Variants in TNC observed in about 807,000 individuals in gnomAD.
TNC encodes tenascin.
A neutral mutation model predicts 202.4 loss-of-function variants in TNC; 109 were observed. The observed-to-expected ratio is 0.54, with a 90% CI of 0.46 to 0.63. The LOEUF (loss-of-function observed/expected upper bound fraction) is 0.63. Ranked by LOEUF, TNC falls within the 30% of genes least tolerant of loss-of-function variation. TNC has a pLI of 0.00. For synonymous variants in TNC, 1,007 were observed against 1,089.7 expected, an observed-to-expected ratio of 0.92 and a Z score of 1.50; for missense variants, 2,756 against 2,833.3, an observed-to-expected ratio of 0.97 and a Z score of 0.62.
At chr9:115,058,959 G>A (rs1199063223) in intron 14 of TNC, among the ~76,000 whole-genome samples, 1 of 152,126 alleles carries the variant, frequency 6.6e-6, no homozygotes, top group Non-Finnish European at 1.5e-5. Flanking sequence ...GCCATCCAAA[G>A]GCCAACACTC....
Position 115,020,670 on chromosome 9 carries a change from C to T in TNC, c.*487G>A. On this transcript the variant is annotated 3_prime_UTR_variant, in exon 28 of 28. Coordinates refer to ENST00000350763, the MANE Select transcript of TNC (RefSeq NM_002160.4). ...TCATTATTATATTAATAATATTAAT[C>T]ATATCCTTAAAATGGAAACAGTATT... The T allele has an allele frequency of 2.9e-6, 1 of 346,768 alleles. No homozygotes were observed. Among genetic ancestry groups the T allele is most frequent in the Non-Finnish European group, 5.6e-6 (1 of 177,320 alleles). The allele number at this position is 346,768 out of a possible 1,614,324, so 21.5% of individuals were successfully genotyped here. A position where few individuals can be genotyped will look rare whatever the true frequency, so the allele number is the denominator to read the frequency against.
At chr9:115,052,302 G>A (rs1831748639) in intron 15 of TNC, among the ~76,000 whole-genome samples, 3 of 151,916 alleles carry the variant, frequency 2.0e-5, no homozygotes, top group Admixed American at 6.6e-5. Context: ...GGTGACTGGG[G>A]TTGGGGAGAT....
In TNC at chr9:115,076,056, G is replaced by T. The variant is rs776391103; in HGVS notation, c.2926C>A (p.Pro976Thr). The change falls in exon 9 of 28, where the codon CCA becomes ACA. Residue 976 changes from proline to threonine, a missense_variant. By Grantham distance (38) the Pro-to-Thr change is conservative. Around this residue, in one of 2 missense-constraint regions of TNC, gnomAD observed 2,559 missense variants for 2,546.0 expected, o/e 1.01. Transcript: ENST00000350763. ...SAVKEDKESN[P>T]ATINAATELD... ...CCTGTGGCTGCGTTGATGGTCGCTG[G>T]ATTGCTCTCCTTGTCTTCCTTCACA... is the stretch of plus-strand genomic sequence containing the variant. 40 of 1,614,074 alleles carry T rather than the reference G, an allele frequency of 2.5e-5. No individual in the cohort carries two copies. The highest frequency in any genetic ancestry group is 3.4e-5 in the Non-Finnish European group (40 of 1,180,014).
In TNC at chr9:115,090,863, G is replaced by A. The variant is rs7038329; in HGVS notation, c.156C>T (p.His52=). The change falls in exon 2 of 28, where the codon CAC becomes CAT. Residue 52 remains histidine (H), a synonymous_variant. Transcript: ENST00000350763. ...PEENQPVVFN[H]VYNIKLPVGS... Reference sequence around the variant, plus strand: ...CCACTGGCAGCTTGATGTTGTAAACGTGGTTAAACACCACTGGCTGGTTCT... The same window carrying A: ...CCACTGGCAGCTTGATGTTGTAAACATGGTTAAACACCACTGGCTGGTTCT... The A allele has an allele frequency of 8.5e-4, 1,373 of 1,614,216 alleles. 8 individuals are homozygous for A. The African/African-American group carries it at 0.012, about 15-fold the overall frequency.
intron 1 of TNC, among the ~76,000 whole-genome samples, chr9:115,103,239 C>T (rs750358868): frequency 6.6e-6 from 1 of 152,196 alleles, no homozygotes; most frequent in Non-Finnish European, 1.5e-5. Flanking sequence ...ATCAAGTAAA[C>T]TCCTTTGGCA....
intron 25 of TNC, among the ~76,000 whole-genome samples, chr9:115,028,606 C>A (rs1176290566): frequency 1.3e-5 from 2 of 151,976 alleles, no homozygotes; most frequent in African/African-American, 4.8e-5. Flanking sequence ...AATCTTGGGA[C>A]CCCAATTTAA....
chr9:115,112,716 C>A, intron 1 of TNC: 1 of 152,826 alleles, frequency 6.5e-6, no homozygotes, highest in Non-Finnish European at 1.5e-5. Flanking sequence ...GTGCGTCTGC[C>A]CATGGTGGGT....
chr9:115,076,219 C>T, intron 8 of TNC, 98 bp from the exon 9 acceptor site: 1 of 1,434,318 alleles, frequency 7.0e-7, no homozygotes, highest in Non-Finnish European at 9.8e-7. Context: ...GAGGCTACAA[C>T]AAATTTTCGG....
At chr9:115,108,344 A>G (rs1371177097) in intron 1 of TNC, among the ~76,000 whole-genome samples, 1 of 152,196 alleles carries the variant, frequency 6.6e-6, no homozygotes, top group South Asian at 2.1e-4. Flanking sequence ...CGAAAGTTGA[A>G]CAGATTAATT....
Position 115,030,343 on chromosome 9 carries a change from A to G in TNC, c.5983T>C (p.Ser1995Pro). ...SQAMLNGDTT[S>P]GLYTIYLNGD... ...TTCAGATAAATGGTGTAGAGGCCAG[A>G]GGTCGTGTCTCCATTCAGCATTGCT... Residue 1995 changes from serine to proline, a missense_variant, in exon 24 of 28, where the codon TCT becomes CCT. By Grantham distance (74) the Ser-to-Pro change is moderately conservative. Coordinates refer to ENST00000350763, the MANE Select transcript of TNC (RefSeq NM_002160.4). The G allele has an allele frequency of 6.2e-7, 1 of 1,613,584 alleles. No homozygotes were observed. Among genetic ancestry groups the G allele is most frequent in the Admixed American group, 1.7e-5 (1 of 59,982 alleles).
intron 1 of TNC, among the ~76,000 whole-genome samples, chr9:115,117,201 T>C (rs1041789180): frequency 6.6e-6 from 1 of 152,170 alleles, no homozygotes; most frequent in African/African-American, 2.4e-5. Context: ...CTTACAACAC[T>C]GATGGGTGAG....
chr9:115,090,884 G>A lies in TNC; in HGVS notation c.135C>T (p.Asn45=), dbSNP rs1835174650. The A allele has an allele frequency of 1.2e-6, 2 of 1,614,076 alleles. No individual in the cohort carries two copies. The highest frequency in any genetic ancestry group is 1.7e-6 in the Non-Finnish European group (2 of 1,180,044). ...SGVNATLPEE[N]QPVVFNHVYN... The stretch of plus-strand genomic sequence containing the variant: ...AAACGTGGTTAAACACCACTGGCTG[G>A]TTCTCTTCTGGCAGGGTGGCGTTCA... Residue 45 remains asparagine (N), a synonymous_variant, in exon 2 of 28, where the codon AAC becomes AAT. Coordinates refer to ENST00000350763, the MANE Select transcript of TNC (RefSeq NM_002160.4).
chr9:115,045,253 C>T (rs1474029136), intron 17 of TNC, among the ~76,000 whole-genome samples: 1 of 152,178 alleles, frequency 6.6e-6, no homozygotes, highest in Non-Finnish European at 1.5e-5. Flanking sequence ...CTGCATCTCC[C>T]TCAGTTTCAT....
In TNC at chr9:115,062,973, A is replaced by G. The variant is rs766077390; in HGVS notation, c.3977T>C (p.Leu1326Pro). Residue 1326 changes from leucine (L) to proline (P), a missense_variant, in exon 13 of 28, where the codon CTG becomes CCG. By Grantham distance (98) the Leu-to-Pro change is moderately conservative. Transcript: ENST00000350763. ...GCTGTGGCCCCTGACCTCGCCGTGC[A>G]GGGTGACTGTGTAAGGAGTGCCAGC... Reference protein sequence around the residue: ...LRAGTPYTVTLHGEVRGHSTR... With the variant: ...LRAGTPYTVTPHGEVRGHSTR... The G allele has an allele frequency of 6.2e-6, 10 of 1,613,990 alleles. No individual in the cohort carries two copies. Among genetic ancestry groups the G allele is most frequent in the African/African-American group, 1.3e-5 (1 of 74,936 alleles).
Position 115,027,023 on chromosome 9 carries a change from C to T in TNC, c.6170-328G>A, listed in dbSNP as rs527845712. On this transcript the variant is annotated intron_variant, in intron 25 of 27. Transcript: ENST00000350763. ...ACTTGGGAGGCTGAGGCAGGAGAAT[C>T]GCTTGAACCCGAGAGGCAGAAGTTG... 7.3e-5 allele frequency among the ~76,000 whole-genome samples: 11 copies of T among 151,222 alleles called. No homozygotes were observed. The South Asian group carries it at 1.1e-3, about 14-fold the overall frequency.
intron 15 of TNC, among the ~76,000 whole-genome samples, chr9:115,051,146 G>C (rs1248660422): frequency 2.6e-5 from 4 of 152,242 alleles, no homozygotes; most frequent in South Asian, 4.2e-4. Flanking sequence ...CTGACACCAT[G>C]TGCAGCCTTT....
chr9:115,053,530 A>G (rs1340938005), intron 15 of TNC, among the ~76,000 whole-genome samples: 1 of 152,210 alleles, frequency 6.6e-6, no homozygotes, highest in African/African-American at 2.4e-5. Context: ...AACCTGTTTA[A>G]TTTTGTTTGG....
At chr9:115,035,967 T>C in intron 21 of TNC, 131 bp downstream of exon 21, 1 of 1,057,956 alleles carries the variant, frequency 9.5e-7, no homozygotes, top group Non-Finnish European at 1.4e-6. Flanking sequence ...TGAATTTAAG[T>C]GATGCTGATG....
In TNC at chr9:115,020,668, AT is replaced by A; in HGVS notation, c.*488del. ...CATCATTATTATATTAATAATATTAATCATATCCTTAAAATGGAAACAGTAT... is the reference window on the plus strand; with the variant it reads ...CATCATTATTATATTAATAATATTAACATATCCTTAAAATGGAAACAGTAT... On this transcript the variant is annotated 3_prime_UTR_variant, in exon 28 of 28. Transcript: ENST00000350763. 1 of 350,188 alleles carries A rather than the reference AT, an allele frequency of 2.9e-6. No individual in the cohort carries two copies. The highest frequency in any genetic ancestry group is 2.4e-5 in the South Asian group (1 of 40,922). 21.7% of individuals were successfully genotyped at this position (350,188 alleles called of 1,614,324 possible).
Sources: gnomAD v4.1 joint callset for allele counts (sites outside exome capture counted in the v4.1 genomes callset) on GRCh38, gnomAD v4.1.1 for gene constraint, gnomAD v4.1.1 regional missense constraint, MANE v1.5 for transcripts, NCBI Gene and HGNC (gene_info 2026-07-23, HGNC 2026-07-21) for gene names.